PLEKHA6: variants seen among roughly 807,000 people sequenced by gnomAD.
PLEKHA6 encodes the protein pleckstrin homology domain containing A6.
In PLEKHA6, 60 loss-of-function variants were observed where a neutral mutation model predicts 116.7. That is an observed-to-expected ratio of 0.51 (90% CI 0.42 to 0.64). The LOEUF is 0.64. PLEKHA6 is among the 30% of genes least tolerant of loss of function. PLEKHA6 has a pLI of 0.00. For missense variants in PLEKHA6, 1,338 were observed against 1,422.7 expected, an observed-to-expected ratio of 0.94 and a Z score of 0.96; for synonymous variants, 489 against 556.1, an observed-to-expected ratio of 0.88 and a Z score of 1.70.
chr1:204,288,309 C>T (rs1669403407), intron 1 of PLEKHA6, among the ~76,000 whole-genome samples: 1 of 152,220 alleles, frequency 6.6e-6, no homozygotes, highest in Non-Finnish European at 1.5e-5. Flanking sequence ...CCTGTCCCTT[C>T]TACTCTGCCC....
At chr1:204,275,740 G>A (rs1667937842) in intron 1 of PLEKHA6, 2 of 984,344 alleles carry the variant, frequency 2.0e-6, no homozygotes, top group South Asian at 9.4e-5. Context: ...CCCCCAAGAT[G>A]GATCCAGTAA....
At chr1:204,353,370 C>A (rs1157632712) in intron 1 of PLEKHA6, among the ~76,000 whole-genome samples, 1 of 152,202 alleles carries the variant, frequency 6.6e-6, no homozygotes, top group African/African-American at 2.4e-5. Flanking sequence ...TGGGGCCTAA[C>A]CCTCCCATCC....
At chr1:204,242,332 C>T (rs1662947168) in intron 15 of PLEKHA6, among the ~76,000 whole-genome samples, 1 of 152,276 alleles carries the variant, frequency 6.6e-6, no homozygotes, top group Admixed American at 6.5e-5. Flanking sequence ...ATCTAAGCCT[C>T]AGTGAGAAGA....
chr1:204,263,666 A>G (rs1666417928), intron 6 of PLEKHA6, among the ~76,000 whole-genome samples: 1 of 151,934 alleles, frequency 6.6e-6, no homozygotes, highest in Non-Finnish European at 1.5e-5. Context: ...CTGCTGGCAG[A>G]GCTCCGAGCT....
At chr1:204,355,588 C>G (rs1448662534) in intron 1 of PLEKHA6, among the ~76,000 whole-genome samples, 1 of 152,116 alleles carries the variant, frequency 6.6e-6, no homozygotes, top group African/African-American at 2.4e-5. Flanking sequence ...TACAGGAAGC[C>G]AGCACCACAC....
intron 1 of PLEKHA6, among the ~76,000 whole-genome samples, chr1:204,358,611 A>G (rs1198010211): frequency 6.6e-6 from 1 of 152,166 alleles, no homozygotes; most frequent in Non-Finnish European, 1.5e-5. Context: ...TGCACCACTC[A>G]AGTGATCAGA....
intron 3 of PLEKHA6, among the ~76,000 whole-genome samples, chr1:204,365,468 G>C (rs1673630643): frequency 6.6e-6 from 1 of 152,152 alleles, no homozygotes; most frequent in African/African-American, 2.4e-5. Flanking sequence ...AGGACCCATG[G>C]GGGAGGCATG....
chr1:204,301,329 G>C, intron 1 of PLEKHA6: 1 of 958,290 alleles, frequency 1.0e-6, no homozygotes, highest in Non-Finnish European at 1.2e-6. Flanking sequence ...CCTGGAGCTG[G>C]CTCCTGGGAA....
At chr1:204,369,210 A>C (rs1374592712) in intron 2 of PLEKHA6, 1 of 152,180 alleles carries the variant, frequency 6.6e-6, no homozygotes, top group Non-Finnish European at 1.5e-5. Flanking sequence ...TAGTGCATTT[A>C]ATCTGCATAG....
At position 204,257,080 on chromosome 1, in the gene PLEKHA6, T is replaced by TTTG. The variant is rs1191844135; in HGVS notation, c.1524+272_1524+273insCAA. On this transcript the variant is annotated intron_variant, in intron 9 of 22. Coordinates refer to ENST00000272203, the MANE Select transcript of PLEKHA6 (RefSeq NM_014935.5). The surrounding 1 kb of genome is among the most constrained non-coding windows in gnomAD (Gnocchi z 6.5). Reference sequence around the variant, plus strand: ...TGAAAAGACAGAACCCTCTCTGCCCTCTTATATGACGGCATGGTATCTGGC... The same window carrying TTTG: ...TGAAAAGACAGAACCCTCTCTGCCCTTTGCTTATATGACGGCATGGTATCTGGC... Among the ~76,000 whole-genome samples the TTTG allele has an allele frequency of 6.6e-6, 1 of 152,194 alleles. No homozygotes were observed. Among genetic ancestry groups the TTTG allele is most frequent in the East Asian group, 1.9e-4 (1 of 5,194 alleles).
In PLEKHA6 at chr1:204,301,447, T is replaced by G. The variant is rs1012677479; in HGVS notation, c.-94-26638A>C. ...AGAGCTGGCGGAGGCAATGTGTTATTTGGTTGGACTTCAGGTATAGACATG... is the reference window on the plus strand; with the variant it reads ...AGAGCTGGCGGAGGCAATGTGTTATGTGGTTGGACTTCAGGTATAGACATG... On this transcript the variant is annotated intron_variant, in intron 1 of 22. Coordinates refer to ENST00000272203, the MANE Select transcript of PLEKHA6 (RefSeq NM_014935.5). 5.1e-6 allele frequency: 5 copies of G among 985,444 alleles called. No homozygotes were observed. The Admixed American group carries it at 3.1e-4, about 60-fold the overall frequency. 61.0% of individuals were successfully genotyped at this position (985,444 alleles called of 1,614,324 possible). A position where few individuals can be genotyped will look rare whatever the true frequency, so the allele number is the denominator to read the frequency against.
intron 1 of PLEKHA6, among the ~76,000 whole-genome samples, chr1:204,341,042 C>T (rs189401692): frequency 6.6e-6 from 1 of 152,178 alleles, no homozygotes; most frequent in African/African-American, 2.4e-5. Flanking sequence ...GTACAGCACA[C>T]CCGGTGCCTG....
intron 1 of PLEKHA6, among the ~76,000 whole-genome samples, chr1:204,318,521 CG>C (rs1671944531): frequency 6.6e-6 from 1 of 152,180 alleles, no homozygotes; most frequent in Admixed American, 6.5e-5. Flanking sequence ...GGCCGGCCCT[CG>C]GAAGTTTTGG....
chr1:204,308,692 T>TCTTTTTC (rs199992991), intron 1 of PLEKHA6, among the ~76,000 whole-genome samples: 2 of 120,478 alleles, frequency 1.7e-5, no homozygotes, highest in South Asian at 2.9e-4. Flanking sequence ...TTTTTCTTTT[T>TCTTTTTC]TTTTTTTTTT....
In PLEKHA6 at chr1:204,223,432, G is replaced by T. The variant is rs866524321; in HGVS notation, c.*8+30C>A. The stretch of plus-strand genomic sequence containing the variant: ...TGAAGGAAGGGGCCCCACTCCCGAG[G>T]TGGATGAAATACAGTAGAAAAGTGC... On this transcript the variant is annotated intron_variant, in intron 22 of 22. Coordinates refer to ENST00000272203, the MANE Select transcript of PLEKHA6 (RefSeq NM_014935.5). The surrounding 1 kb of genome is among the most constrained non-coding windows in gnomAD (Gnocchi z 4.8). 1.6e-6 allele frequency: 2 copies of T among 1,257,342 alleles called. No homozygotes were observed. The highest frequency in any genetic ancestry group is 2.3e-6 in the Non-Finnish European group (2 of 878,126). 77.9% of individuals were successfully genotyped at this position (1,257,342 alleles called of 1,614,324 possible). A position where few individuals can be genotyped will look rare whatever the true frequency, so the allele number is the denominator to read the frequency against.
chr1:204,269,029 G>A (rs370326915), intron 3 of PLEKHA6, among the ~76,000 whole-genome samples: 5 of 151,878 alleles, frequency 3.3e-5, no homozygotes, highest in Non-Finnish European at 7.4e-5. Flanking sequence ...TGATGTCCCC[G>A]GCTCCAGCAC....
intron 1 of PLEKHA6, among the ~76,000 whole-genome samples, chr1:204,350,220 C>G (rs1212406609): frequency 6.6e-6 from 1 of 152,168 alleles, no homozygotes; most frequent in African/African-American, 2.4e-5. Context: ...CCTTGGGAGG[C>G]TGAGGTGGGA....
At chr1:204,278,139 C>A (rs534874694) in intron 1 of PLEKHA6, among the ~76,000 whole-genome samples, 3 of 152,308 alleles carry the variant, frequency 2.0e-5, no homozygotes, top group South Asian at 4.1e-4. Flanking sequence ...AGCGCTCCCC[C>A]CTTTCCTAAT....
At position 204,228,058 on chromosome 1, in the gene PLEKHA6, T is replaced by A; in HGVS notation, c.3031+25A>T. On this transcript the variant is annotated intron_variant, in intron 21 of 22. Coordinates refer to ENST00000272203, the MANE Select transcript of PLEKHA6 (RefSeq NM_014935.5). This position sits in a 1 kb window ranked among gnomAD's most constrained non-coding sequence, Gnocchi z 4.0. The stretch of plus-strand genomic sequence containing the variant: ...TGGTCAGCTGGTTTCCCTGGCAGGG[T>A]GGAGCGAGGCCCAGCCCCTCTCACC... The A allele has an allele frequency of 6.2e-7, 1 of 1,606,900 alleles. No individual in the cohort carries two copies. Among genetic ancestry groups the A allele is most frequent in the South Asian group, 1.1e-5 (1 of 90,578 alleles).
Sources: gnomAD v4.1 joint callset for allele counts (sites outside exome capture counted in the v4.1 genomes callset) on GRCh38, gnomAD v4.1.1 for gene constraint, Gnocchi (gnomAD v3.1) non-coding constraint, MANE v1.5 for transcripts, NCBI Gene and HGNC (gene_info 2026-07-23, HGNC 2026-07-21) for gene names.